NAALADL2: variants seen among roughly 807,000 people sequenced by gnomAD.
NAALADL2 encodes the protein inactive N-acetylated-alpha-linked acidic dipeptidase-like protein 2.
Under a neutral mutation model 87.2 loss-of-function variants are expected in NAALADL2, and 76 were observed. The observed-to-expected ratio is 0.87, with a 90% confidence interval of 0.72 to 1.05. NAALADL2 has a LOEUF of 1.05. NAALADL2 is among the 50% of genes least tolerant of loss of function. The pLI is 0.00. For synonymous variants in NAALADL2, 354 were observed against 331.0 expected, an observed-to-expected ratio of 1.07 and a Z score of -0.75; for missense variants, 1,089 against 945.8, an observed-to-expected ratio of 1.15 and a Z score of -1.99.
chr3:174,509,722 A>G (rs1200624318), intron 1 of NAALADL2, among the ~76,000 whole-genome samples: 1 of 151,384 alleles, frequency 6.6e-6, no homozygotes, highest in Non-Finnish European at 1.5e-5. Context: ...CACCGAGCAC[A>G]GCTGTCTCTT....
intron 2 of NAALADL2, among the ~76,000 whole-genome samples, chr3:174,650,392 C>A (rs917342373): frequency 3.2e-4 from 48 of 152,106 alleles, no homozygotes; most frequent in African/African-American, 1.1e-3. Context: ...CATATTAAAG[C>A]CTCTCAGTAT....
At chr3:175,275,649 C>T (rs551269155) in intron 4 of NAALADL2, among the ~76,000 whole-genome samples, 4 of 152,082 alleles carry the variant, frequency 2.6e-5, no homozygotes, top group African/African-American at 9.6e-5. Context: ...GGACACTTGT[C>T]TTATATGTAC....
At chr3:175,570,079 G>T (rs1444409384) in intron 9 of NAALADL2, among the ~76,000 whole-genome samples, 3 of 152,186 alleles carry the variant, frequency 2.0e-5, no homozygotes, top group African/African-American at 7.2e-5. Flanking sequence ...CACCAGGAAA[G>T]CTATTAAGTT....
At chr3:175,583,418 C>T (rs966664481) in intron 10 of NAALADL2, among the ~76,000 whole-genome samples, 2 of 149,572 alleles carry the variant, frequency 1.3e-5, no homozygotes, top group African/African-American at 4.9e-5. Flanking sequence ...GTTACATAAG[C>T]TTGTGAATCG....
chr3:174,533,861 A>C (rs187795500), intron 1 of NAALADL2, among the ~76,000 whole-genome samples: 1 of 152,184 alleles, frequency 6.6e-6, no homozygotes, highest in African/African-American at 2.4e-5. Context: ...TAGTCTTGAC[A>C]TTTGAGAATA....
At chr3:175,645,057 G>C (rs1402770957) in intron 11 of NAALADL2, among the ~76,000 whole-genome samples, 1 of 151,762 alleles carries the variant, frequency 6.6e-6, no homozygotes, top group East Asian at 1.9e-4. Context: ...GCCGCCTACA[G>C]TAGTGAAGAT....
intron 2 of NAALADL2, among the ~76,000 whole-genome samples, chr3:175,111,519 C>G (rs1477476895): frequency 6.6e-6 from 1 of 151,632 alleles, no homozygotes; most frequent in Non-Finnish European, 1.5e-5. Context: ...ACAATGGTAA[C>G]CTAGATATCA....
At chr3:175,660,999 T>C (rs911450611) in intron 11 of NAALADL2, among the ~76,000 whole-genome samples, 1 of 152,144 alleles carries the variant, frequency 6.6e-6, no homozygotes, top group Admixed American at 6.6e-5. Context: ...TTTCTTTCTT[T>C]GGTCTATATA....
chr3:175,151,672 T>C (rs954321453), intron 2 of NAALADL2, among the ~76,000 whole-genome samples: 3 of 152,118 alleles, frequency 2.0e-5, no homozygotes, highest in Non-Finnish European at 4.4e-5. Flanking sequence ...ATGATTTGAC[T>C]ACCCATCATA....
intron 11 of NAALADL2, among the ~76,000 whole-genome samples, chr3:175,719,908 T>G (rs190015676): frequency 6.6e-6 from 1 of 152,182 alleles, no homozygotes; most frequent in African/African-American, 2.4e-5. Flanking sequence ...CCTCATGTGA[T>G]AGAAGAAGCT....
chr3:175,466,527 C>A (rs1724046765), intron 7 of NAALADL2, among the ~76,000 whole-genome samples: 1 of 151,934 alleles, frequency 6.6e-6, no homozygotes, highest in African/African-American at 2.4e-5. Flanking sequence ...GTAATTAATT[C>A]CCTGTGGAAT....
chr3:175,158,156 G>T (rs1468183171), intron 2 of NAALADL2, among the ~76,000 whole-genome samples: 1 of 151,966 alleles, frequency 6.6e-6, no homozygotes, highest in Non-Finnish European at 1.5e-5. Context: ...TTTGTTTTGT[G>T]CCTATTATGT....
intron 2 of NAALADL2, among the ~76,000 whole-genome samples, chr3:174,659,396 C>T (rs1725295411): frequency 6.6e-6 from 1 of 152,154 alleles, no homozygotes; most frequent in East Asian, 1.9e-4. Context: ...AGTTCATATT[C>T]TTTGCTACGT....
chr3:175,054,965 A>G (rs1711803689), intron 1 of NAALADL2, among the ~76,000 whole-genome samples: 1 of 149,726 alleles, frequency 6.7e-6, no homozygotes. Context: ...AAATATGACT[A>G]CTTTGATATA....
intron 2 of NAALADL2, among the ~76,000 whole-genome samples, chr3:174,578,186 G>A (rs759549754): frequency 5.9e-5 from 9 of 151,912 alleles, no homozygotes; most frequent in African/African-American, 1.9e-4. Flanking sequence ...CAGAAAAAGA[G>A]GAGAGAAATA....
chr3:175,324,183 A>C lies in NAALADL2; in HGVS notation c.948A>C (p.Ser316=). The stretch of plus-strand genomic sequence containing the variant: ...TTGCTTCCCTCTTTTAGCTTTCCTC[A>C]TTGGAAAAGGCTGGATTTGGAGGTG... ...GKLPLLYKLS[S]LEKAGFGGVL... The change falls in exon 5 of 14, where the codon TCA becomes TCC. Residue 316 remains serine (S), a synonymous_variant. Transcript: ENST00000454872. 6.2e-7 allele frequency: 1 copy of C among 1,612,590 alleles called. No homozygotes were observed. Among genetic ancestry groups the C allele is most frequent in the Non-Finnish European group, 8.5e-7 (1 of 1,179,304 alleles).
intron 9 of NAALADL2, among the ~76,000 whole-genome samples, chr3:175,498,756 G>T (rs1729148260): frequency 6.6e-6 from 1 of 151,962 alleles, no homozygotes; most frequent in Non-Finnish European, 1.5e-5. Flanking sequence ...CACCAGAATT[G>T]TTTTCCCCCA....
At chr3:175,679,460 A>C (rs1294118447) in intron 11 of NAALADL2, among the ~76,000 whole-genome samples, 2 of 152,144 alleles carry the variant, frequency 1.3e-5, no homozygotes, top group African/African-American at 4.8e-5. Flanking sequence ...TACAGCAATA[A>C]AATGTGATTT....
chr3:175,698,347 GTATT>G (rs1446758476), intron 11 of NAALADL2, among the ~76,000 whole-genome samples: 1 of 78,346 alleles, frequency 1.3e-5, no homozygotes. Flanking sequence ...ATATGTATGT[GTATT>G]TATGTATGTG....
Sources: gnomAD v4.1 joint callset for allele counts (sites outside exome capture counted in the v4.1 genomes callset) on GRCh38, gnomAD v4.1.1 for gene constraint, MANE v1.5 for transcripts, NCBI Gene and HGNC (gene_info 2026-07-23, HGNC 2026-07-21) for gene names.